Variants in TCF12 observed in about 807,000 individuals in gnomAD.
TCF12 encodes the protein DNA-binding protein HTF4.
A neutral mutation model predicts 86.0 loss-of-function variants in TCF12; 45 were observed. The observed-to-expected ratio is 0.52, with a 90% CI of 0.41 to 0.67. TCF12 has a LOEUF of 0.67. Ranked by LOEUF, TCF12 falls within the 30% of genes least tolerant of loss-of-function variation. The pLI, the probability that TCF12 is intolerant of heterozygous loss-of-function variation, is 0.00. For missense variants in TCF12, 881 were observed against 859.9 expected (o/e 1.02, Z -0.31); for synonymous variants, 330 against 299.6 (o/e 1.10, Z -1.05).
intron 3 of TCF12, among the ~76,000 whole-genome samples, chr15:56,951,365 T>C: frequency 6.6e-6 from 1 of 152,226 alleles, no homozygotes; most frequent in East Asian, 1.9e-4. Flanking sequence ...AATATCTTCA[T>C]ATCTGTTGTC....
Position 57,009,578 on chromosome 15 carries a change from A to G in TCF12, c.149-54172A>G, listed in dbSNP as rs549054991. Among the ~76,000 whole-genome samples the G allele has an allele frequency of 5.3e-5, 8 of 152,278 alleles. No individual in the cohort carries two copies. The South Asian group carries it at 1.7e-3, about 32-fold the overall frequency. ...TGTCACCATTAGAAAGCATTTATTG[A>G]ATATTCTTCTTTACTGTTTGTATGT... On this transcript the variant is annotated intron_variant, in intron 3 of 20. Transcript: ENST00000333725.
At chr15:57,035,177 A>G (rs908986200) in intron 3 of TCF12, among the ~76,000 whole-genome samples, 1 of 152,208 alleles carries the variant, frequency 6.6e-6, no homozygotes, top group Non-Finnish European at 1.5e-5. Context: ...GGGAATCAGT[A>G]ATTTGTACAA....
At chr15:57,236,836 TAAAAAA>T in intron 12 of TCF12, among the ~76,000 whole-genome samples, 1 of 121,010 alleles carries the variant, frequency 8.3e-6, no homozygotes, top group South Asian at 2.5e-4. Flanking sequence ...TTAGTTTAGA[TAAAAAA>T]AAAGAAAAAA....
At chr15:57,076,638 C>CA (rs201622891) in intron 4 of TCF12, among the ~76,000 whole-genome samples, 7,747 of 118,644 alleles carry the variant, frequency 0.065, 291 homozygotes, top group African/African-American at 0.14. Context: ...GGCTCTGTCT[C>CA]AAAAAAAAAA....
intron 5 of TCF12, among the ~76,000 whole-genome samples, chr15:57,164,458 G>A (rs1393585988): frequency 1.3e-5 from 2 of 152,078 alleles, no homozygotes; most frequent in East Asian, 1.9e-4. Flanking sequence ...GAGAAGTACC[G>A]AGCAAAAGGG....
chr15:57,250,503 T>C (rs976932308), intron 13 of TCF12, among the ~76,000 whole-genome samples: 1 of 151,624 alleles, frequency 6.6e-6, no homozygotes, highest in Non-Finnish European at 1.5e-5. Context: ...CTGAGGCGGG[T>C]GGATCACTTA....
At chr15:57,283,374 C>T (rs1218331582) in intron 20 of TCF12, among the ~76,000 whole-genome samples, 1 of 150,870 alleles carries the variant, frequency 6.6e-6, no homozygotes, top group Admixed American at 6.6e-5. Context: ...ATTCTCCTGC[C>T]TCAGCCTCCC....
chr15:57,264,960 C>G (rs978484516), intron 18 of TCF12, among the ~76,000 whole-genome samples: 1 of 151,710 alleles, frequency 6.6e-6, no homozygotes, highest in Admixed American at 6.6e-5. Flanking sequence ...GAACTCCTGA[C>G]CTCCAGTGAT....
At chr15:57,033,999 T>C (rs1398070647) in intron 3 of TCF12, among the ~76,000 whole-genome samples, 1 of 152,212 alleles carries the variant, frequency 6.6e-6, no homozygotes, top group Non-Finnish European at 1.5e-5. Context: ...GGTGATGAAA[T>C]TGAGACATAA....
intron 3 of TCF12, among the ~76,000 whole-genome samples, chr15:57,012,357 A>G (rs1004531457): frequency 7.2e-5 from 11 of 152,176 alleles, no homozygotes; most frequent in Non-Finnish European, 1.5e-4. Context: ...TTTAAAGGAA[A>G]ATATTTTGGT....
chr15:57,120,353 A>C (rs1191331672), intron 5 of TCF12, among the ~76,000 whole-genome samples: 1 of 152,116 alleles, frequency 6.6e-6, no homozygotes. Flanking sequence ...TTTAGGTTGG[A>C]GTTTTCTTGA....
At chr15:57,272,433 G>A (rs8043103) in intron 18 of TCF12, among the ~76,000 whole-genome samples, 112,871 of 152,128 alleles carry the variant, frequency 0.74, 42,012 homozygotes, top group East Asian at 0.82. Context: ...AAAAATAGCC[G>A]TTTTCTGGGA....
chr15:57,218,352 T>C (rs2058421159), intron 8 of TCF12, among the ~76,000 whole-genome samples: 1 of 152,160 alleles, frequency 6.6e-6, no homozygotes, highest in East Asian at 1.9e-4. Context: ...GCTATTCTGT[T>C]TTTCCAGGTT....
chr15:57,027,247 G>A (rs781680767), intron 3 of TCF12, among the ~76,000 whole-genome samples: 8 of 152,156 alleles, frequency 5.3e-5, no homozygotes, highest in Non-Finnish European at 1.2e-4. Flanking sequence ...CTATGTCTTG[G>A]AACGGGTCAT....
chr15:57,015,536 A>G (rs1344573569), intron 3 of TCF12, among the ~76,000 whole-genome samples: 1 of 152,184 alleles, frequency 6.6e-6, no homozygotes, highest in Non-Finnish European at 1.5e-5. Flanking sequence ...TTGTGTGGAC[A>G]AACAGGAGAG....
intron 4 of TCF12, among the ~76,000 whole-genome samples, chr15:57,070,035 AT>A (rs1350222250): frequency 1.3e-5 from 2 of 151,964 alleles, no homozygotes; most frequent in African/African-American, 4.8e-5. Flanking sequence ...TTTTTCATTG[AT>A]TAAAAGGGGG....
rs376435097 is a variant in TCF12 at position 57,284,278 on chromosome 15, G to A, written c.*11+1680G>A. Reference sequence around the variant, plus strand: ...GGAGTGCAATGGTGTGATCATCTCGGCTCACTCCAACTCCCGCCTCCTGGG... The same window carrying A: ...GGAGTGCAATGGTGTGATCATCTCGACTCACTCCAACTCCCGCCTCCTGGG... On this transcript the variant is annotated intron_variant, in intron 20 of 20. Transcript: ENST00000333725. Among the ~76,000 whole-genome samples, 67 of 152,122 alleles carry A rather than the reference G, an allele frequency of 4.4e-4. No individual in the cohort carries two copies. The East Asian group carries it at 0.013, about 29-fold the overall frequency.
At chr15:57,189,847 G>A (rs1017685730) in intron 6 of TCF12, among the ~76,000 whole-genome samples, 1 of 152,146 alleles carries the variant, frequency 6.6e-6, no homozygotes, top group African/African-American at 2.4e-5. Context: ...TCCATCAGTG[G>A]GTGAATGGAT....
In TCF12 at chr15:57,177,633, A is replaced by AGAGAGAGAGAGAGAGAGAGAGT. The variant is rs1362152149; in HGVS notation, c.390+11172_390+11173insAGAGAGAGAGAGAGAGTGAGAG. Among the ~76,000 whole-genome samples, 9 of 151,744 alleles carry AGAGAGAGAGAGAGAGAGAGAGT rather than the reference A, an allele frequency of 5.9e-5. No individual in the cohort carries two copies. The East Asian group carries it at 1.8e-3, about 30-fold the overall frequency. On this transcript the variant is annotated intron_variant, in intron 6 of 20. Coordinates refer to ENST00000333725, the MANE Select transcript of TCF12 (RefSeq NM_207037.2). ...CAGAGAGAGAGAGAGAGAGAGAGAG[A>AGAGAGAGAGAGAGAGAGAGAGT]GAGAGTTGGATTAGGCAGGGCCTAC... is the stretch of plus-strand genomic sequence containing the variant.
Sources: gnomAD v4.1 joint callset for allele counts (sites outside exome capture counted in the v4.1 genomes callset) on GRCh38, gnomAD v4.1.1 for gene constraint, MANE v1.5 for transcripts, NCBI Gene and HGNC (gene_info 2026-07-23, HGNC 2026-07-21) for gene names.